Variants in HSD17B3 observed in about 807,000 individuals in gnomAD.
The protein encoded by HSD17B3 is 17-beta-hydroxysteroid dehydrogenase type 3.
In HSD17B3, 29 loss-of-function variants were observed where a neutral mutation model predicts 41.1. The observed-to-expected ratio is 0.71, with a 90% confidence interval of 0.53 to 0.96. The LOEUF (loss-of-function observed/expected upper bound fraction) is 0.96, where lower values mean the gene tolerates loss of function less well. HSD17B3 is among the 40% of genes least tolerant of loss of function. HSD17B3 has a pLI of 0.00. For synonymous variants in HSD17B3, 126 were observed against 145.6 expected, an observed-to-expected ratio of 0.87 and a Z score of 0.97; for missense variants, 323 against 374.6, an observed-to-expected ratio of 0.86 and a Z score of 1.14.
At chr9:96,286,268 C>T (rs1025800702) in intron 2 of HSD17B3, among the ~76,000 whole-genome samples, 2 of 151,874 alleles carry the variant, frequency 1.3e-5, no homozygotes, top group Non-Finnish European at 2.9e-5. Context: ...CACTTTAACC[C>T]GGGAGGCGGA....
chr9:96,278,980 C>T (rs185114732), intron 2 of HSD17B3, among the ~76,000 whole-genome samples: 25 of 152,272 alleles, frequency 1.6e-4, no homozygotes, highest in African/African-American at 4.3e-4. Flanking sequence ...GGCTCATCCC[C>T]GGTAGATAAA....
intron 5 of HSD17B3, among the ~76,000 whole-genome samples, chr9:96,250,968 T>C (rs867807): frequency 0.26 from 39,849 of 151,790 alleles, 5,490 homozygotes; most frequent in Middle Eastern, 0.32. Context: ...TGAGCCAAGT[T>C]TACTGAACTT....
At chr9:96,291,120 C>A (rs1827140887) in intron 2 of HSD17B3, among the ~76,000 whole-genome samples, 1 of 152,068 alleles carries the variant, frequency 6.6e-6, no homozygotes, top group South Asian at 2.1e-4. Flanking sequence ...CTGAATTCCA[C>A]CCCCACCTGG....
At chr9:96,236,514 C>CATAAATAA (rs10524217) in intron 10 of HSD17B3, among the ~76,000 whole-genome samples, 24,056 of 136,898 alleles carry the variant, frequency 0.18, 2,453 homozygotes, top group African/African-American at 0.26. Flanking sequence ...GAGAGTCTGT[C>CATAAATAA]ATAAATAAAT....
rs960307725 is a variant in HSD17B3 at position 96,273,557 on chromosome 9, G to A, written c.202-18614C>T. ...GAGGACTTCAACAGTTTTCACAGAT[G>A]CCGATCCAAGCCAATGGGCCTGCGT... On this transcript the variant is annotated intron_variant, in intron 2 of 10. Transcript: ENST00000375263. Among the ~76,000 whole-genome samples, 5 of 152,242 alleles carry A rather than the reference G, an allele frequency of 3.3e-5. No individual in the cohort carries two copies. In the South Asian group the frequency reaches 6.2e-4, roughly 19 times the overall value.
chr9:96,277,516 G>A (rs1826511441), intron 2 of HSD17B3, among the ~76,000 whole-genome samples: 1 of 152,188 alleles, frequency 6.6e-6, no homozygotes, highest in Non-Finnish European at 1.5e-5. Flanking sequence ...AAACCACAAT[G>A]AGCTATCACT....
At position 96,265,916 on chromosome 9, in the gene HSD17B3, C is replaced by T. The variant is rs191632559; in HGVS notation, c.202-10973G>A. Among the ~76,000 whole-genome samples the T allele has an allele frequency of 7.9e-5, 12 of 152,250 alleles. No individual in the cohort carries two copies. The East Asian group carries it at 1.5e-3, about 20-fold the overall frequency. On this transcript the variant is annotated intron_variant, in intron 2 of 10. Transcript: ENST00000375263. ...CAAATTATGTACACCACATAAATAA[C>T]GCATCTGATCTAAGGGCCATGTCTA...
chr9:96,289,967 G>A (rs1254820661), intron 2 of HSD17B3, among the ~76,000 whole-genome samples: 1 of 152,152 alleles, frequency 6.6e-6, no homozygotes, highest in Non-Finnish European at 1.5e-5. Context: ...GGTCAAGGAA[G>A]GTGCTTGTAG....
intron 3 of HSD17B3, among the ~76,000 whole-genome samples, chr9:96,254,336 C>T (rs922415173): frequency 5.3e-5 from 8 of 152,156 alleles, no homozygotes; most frequent in Non-Finnish European, 1.0e-4. Flanking sequence ...TCCCAAACAC[C>T]GATCTTGCTT....
chr9:96,256,375 T>C (rs543943063), intron 2 of HSD17B3: 1 of 152,292 alleles, frequency 6.6e-6, no homozygotes, highest in Non-Finnish European at 1.5e-5. Context: ...GGCTCACACC[T>C]GTAATCTCAG....
chr9:96,243,685 A>G (rs969062159), intron 9 of HSD17B3, among the ~76,000 whole-genome samples: 15 of 152,372 alleles, frequency 9.8e-5, no homozygotes, highest in Non-Finnish European at 1.6e-4. Flanking sequence ...ACCAAGCACA[A>G]ATAAATCACT....
At chr9:96,254,713 C>T (rs955719348) in intron 3 of HSD17B3, among the ~76,000 whole-genome samples, 155 bp downstream of exon 3, 19 of 152,194 alleles carry the variant, frequency 1.2e-4, no homozygotes, top group African/African-American at 4.3e-4. Context: ...CACCTTCTAT[C>T]CCGCCCTCTG....
chr9:96,298,382 A>T, intron 2 of HSD17B3, 34 bp downstream of exon 2: 1 of 1,575,132 alleles, frequency 6.3e-7, no homozygotes, highest in Non-Finnish European at 8.7e-7. Flanking sequence ...TGTTCAATAC[A>T]AGGGAGGAGA....
At chr9:96,272,423 A>C (rs1474364592) in intron 2 of HSD17B3, among the ~76,000 whole-genome samples, 417 of 34,986 alleles carry the variant, frequency 0.012, 5 homozygotes, top group Non-Finnish European at 0.016. Context: ...ATATATATAT[A>C]TATATATATA....
intron 2 of HSD17B3, among the ~76,000 whole-genome samples, chr9:96,275,542 T>C (rs1371390094): frequency 1.3e-5 from 2 of 151,674 alleles, no homozygotes; most frequent in East Asian, 3.9e-4. Flanking sequence ...ATCATGCCAC[T>C]GCACTGCAGC....
Position 96,290,475 on chromosome 9 carries a change from TTTTTC to T in HSD17B3, c.201+7936_201+7940del, listed in dbSNP as rs1483467960. Reference sequence around the variant, plus strand: ...CCTGGGCTTTTTTTTTTTTTTTTTTTTTTTCCACATATCCCAGACATTGCTGGAGA... The same window carrying T: ...CCTGGGCTTTTTTTTTTTTTTTTTTTCACATATCCCAGACATTGCTGGAGA... On this transcript the variant is annotated intron_variant, in intron 2 of 10. Coordinates refer to ENST00000375263, the MANE Select transcript of HSD17B3 (RefSeq NM_000197.2). Among the ~76,000 whole-genome samples the T allele has an allele frequency of 1.5e-3, 215 of 146,760 alleles. 1 individual carries two copies. Among genetic ancestry groups the T allele is most frequent in the African/African-American group, 5.0e-3 (197 of 39,432 alleles).
intron 2 of HSD17B3, among the ~76,000 whole-genome samples, chr9:96,296,728 T>C (rs1827374487): frequency 6.6e-6 from 1 of 152,158 alleles, no homozygotes; most frequent in African/African-American, 2.4e-5. Flanking sequence ...TTTGATGGAA[T>C]ATTATGTTGC....
chr9:96,261,566 C>G (rs1825858698), intron 2 of HSD17B3, among the ~76,000 whole-genome samples: 2 of 152,280 alleles, frequency 1.3e-5, no homozygotes, highest in Admixed American at 1.3e-4. Flanking sequence ...GGTGGCAGGG[C>G]CTGAGGAGGC....
At chr9:96,249,683 T>C in intron 6 of HSD17B3, 68 bp downstream of exon 6, 1 of 1,431,966 alleles carries the variant, frequency 7.0e-7, no homozygotes, top group South Asian at 1.1e-5. Flanking sequence ...ATGGGCACAA[T>C]TCTCCTGAGT....
Sources: allele counts gnomAD v4.1 joint callset (sites outside exome capture counted in the v4.1 genomes callset), GRCh38; gene constraint gnomAD v4.1.1; transcripts MANE v1.5; gene names NCBI Gene and HGNC (gene_info 2026-07-23, HGNC 2026-07-21).